EBF1: variants seen among roughly 807,000 people sequenced by gnomAD.
The protein encoded by EBF1 is EBF transcription factor 1.
EBF1 carries 10 observed loss-of-function variants against 68.4 expected under a neutral mutation model. The ratio of observed to expected loss-of-function variants is 0.15; its 90% CI spans 0.09 to 0.25. The LOEUF (loss-of-function observed/expected upper bound fraction) is 0.25. Ranked by LOEUF, EBF1 falls within the 10% of genes least tolerant of loss-of-function variation. EBF1 has a pLI of 1.00. For synonymous variants in EBF1, 298 were observed against 299.8 expected (o/e 0.99, Z 0.06); for missense variants, 509 against 794.4 (o/e 0.64, Z 4.32).
chr5:158,959,242 C>T (rs1430294057), intron 6 of EBF1, among the ~76,000 whole-genome samples: 1 of 151,318 alleles, frequency 6.6e-6, no homozygotes, highest in Non-Finnish European at 1.5e-5. Context: ...TAAAACAAAT[C>T]GAAATAAACT....
chr5:158,774,353 CT>C (rs374851684), intron 10 of EBF1, among the ~76,000 whole-genome samples: 5 of 150,910 alleles, frequency 3.3e-5, no homozygotes, highest in Admixed American at 1.3e-4. Context: ...TGCCTTTTTT[CT>C]TTTTTTTTAA....
At chr5:158,805,704 A>G (rs1781457028) in intron 8 of EBF1, among the ~76,000 whole-genome samples, 1 of 152,006 alleles carries the variant, frequency 6.6e-6, no homozygotes, top group South Asian at 2.1e-4. Flanking sequence ...TCAATTCACT[A>G]TTGTAATAGG....
intron 7 of EBF1, among the ~76,000 whole-genome samples, chr5:158,826,313 A>G (rs1260485570): frequency 6.6e-6 from 1 of 152,216 alleles, no homozygotes. Flanking sequence ...TCCAATACAG[A>G]AGCCAAATGC....
In EBF1 at chr5:158,756,571, C is replaced by T. The variant is rs190678317; in HGVS notation, c.1036+20842G>A. ...TGGTTTTTGAATTCCTTTTTTATTC[C>T]TTCATCAATCCACTTATCTGACAAC... On this transcript the variant is annotated intron_variant, in intron 10 of 15. Coordinates refer to ENST00000313708, the MANE Select transcript of EBF1 (RefSeq NM_024007.5). 1.7e-3 allele frequency among the ~76,000 whole-genome samples: 255 copies of T among 151,642 alleles called. 5 individuals carry two copies. The South Asian group carries it at 0.022, about 13-fold the overall frequency.
At chr5:158,712,819 CAATATTGTACAAT>C in intron 13 of EBF1, 138 bp downstream of exon 13, 1 of 731,394 alleles carries the variant, frequency 1.4e-6, no homozygotes, top group Non-Finnish European at 2.0e-6. Flanking sequence ...TAGCTAGGAC[CAATATTGTACAAT>C]AATATCTTAT....
In EBF1 at chr5:158,859,067, A is replaced by G. The variant is rs984706923; in HGVS notation, c.555-18957T>C. Among the ~76,000 whole-genome samples, 7 of 152,328 alleles carry G rather than the reference A, an allele frequency of 4.6e-5. No homozygotes were observed. In the East Asian group the frequency reaches 1.3e-3, roughly 29 times the overall value. On this transcript the variant is annotated intron_variant, in intron 6 of 15. Coordinates refer to ENST00000313708, the MANE Select transcript of EBF1 (RefSeq NM_024007.5). ...CAACAACATGTTTATCTACCAAAAG[A>G]AAAATCAGCCCCTCTCCATTTTCCA...
intron 5 of EBF1, among the ~76,000 whole-genome samples, chr5:159,076,034 T>G (rs970858933): frequency 3.3e-5 from 3 of 90,654 alleles, no homozygotes; most frequent in East Asian, 4.6e-4. Context: ...GTTTTTCCTG[T>G]TTTTTTTTTT....
chr5:158,970,765 T>A (rs1469770698), intron 6 of EBF1, among the ~76,000 whole-genome samples: 1 of 152,216 alleles, frequency 6.6e-6, no homozygotes, highest in Non-Finnish European at 1.5e-5. Flanking sequence ...TATAAAAATC[T>A]ACTATAAAAG....
chr5:158,850,674 C>T (rs1792460212), intron 6 of EBF1, among the ~76,000 whole-genome samples: 1 of 152,096 alleles, frequency 6.6e-6, no homozygotes, highest in African/African-American at 2.4e-5. Flanking sequence ...TTGTGAATTG[C>T]CTGGGCATCT....
At chr5:159,018,055 A>C in intron 6 of EBF1, among the ~76,000 whole-genome samples, 1 of 145,920 alleles carries the variant, frequency 6.9e-6, no homozygotes, top group Non-Finnish European at 1.5e-5. Context: ...CCCTCCCAAC[A>C]CCTCCCATCG....
At chr5:158,962,852 G>T (rs1190161917) in intron 6 of EBF1, among the ~76,000 whole-genome samples, 2 of 152,118 alleles carry the variant, frequency 1.3e-5, no homozygotes, top group East Asian at 3.8e-4. Context: ...GTTTCATACT[G>T]ACTCAAAAGG....
At chr5:158,801,481 G>C (rs976578681) in intron 8 of EBF1, among the ~76,000 whole-genome samples, 1 of 151,980 alleles carries the variant, frequency 6.6e-6, no homozygotes, top group African/African-American at 2.4e-5. Context: ...CGTGCTGGGG[G>C]AATTGCTGAG....
rs1185769864 is a variant in EBF1 at position 158,708,012 on chromosome 5, T to C, written c.1711A>G (p.Thr571Ala). 3.9e-6 allele frequency: 6 copies of C among 1,550,250 alleles called. No individual in the cohort carries two copies. The Admixed American group carries it at 1.2e-4, about 30-fold the overall frequency. The change falls in exon 15 of 16, where the codon ACC (threonine) becomes GCC (alanine). Residue 571 changes from threonine (T) to alanine (A), a missense_variant. Thr to Ala is a moderately conservative substitution (Grantham distance 58, BLOSUM62 0). This residue lies in a region of EBF1 where 205 missense variants were observed against 247.4 expected (regional missense o/e 0.83). Coordinates refer to ENST00000313708, the MANE Select transcript of EBF1 (RefSeq NM_024007.5). ...VVRPQTSPPP[T>A]CTSTNGNSLQ... ...CTGTTCCCGTTGGTGCTGGTGCAGG[T>C]GGGAGGTGGGGAGGTCTGGGGTCTG...
chr5:158,862,218 G>GA (rs567786942), intron 6 of EBF1, among the ~76,000 whole-genome samples: 205 of 151,020 alleles, frequency 1.4e-3, no homozygotes, highest in Non-Finnish European at 2.5e-3. Flanking sequence ...AGTTTCATCT[G>GA]AAAAAAAAAT....
intron 6 of EBF1, among the ~76,000 whole-genome samples, chr5:158,840,465 G>A (rs891904): frequency 0.38 from 57,673 of 151,938 alleles, 11,143 homozygotes; most frequent in South Asian, 0.58. Context: ...ACAACATGCA[G>A]TTTAAGCCCT....
intron 14 of EBF1, among the ~76,000 whole-genome samples, chr5:158,711,394 T>C (rs1047236016): frequency 6.6e-6 from 1 of 152,230 alleles, no homozygotes; most frequent in Non-Finnish European, 1.5e-5. Flanking sequence ...ATCACTATGA[T>C]TATTAGATTT....
At chr5:159,048,249 G>T (rs896665510) in intron 6 of EBF1, among the ~76,000 whole-genome samples, 1 of 152,080 alleles carries the variant, frequency 6.6e-6, no homozygotes, top group Non-Finnish European at 1.5e-5. Flanking sequence ...ACTCAATAAA[G>T]AAAAAAGGAT....
At chr5:158,937,704 G>A (rs889682263) in intron 6 of EBF1, among the ~76,000 whole-genome samples, 1 of 152,238 alleles carries the variant, frequency 6.6e-6, no homozygotes, top group African/African-American at 2.4e-5. Context: ...ATCGCTTGAG[G>A]TGCATAAAGC....
intron 10 of EBF1, among the ~76,000 whole-genome samples, chr5:158,761,214 T>G (rs1484023639): frequency 6.6e-6 from 1 of 152,216 alleles, no homozygotes; most frequent in Non-Finnish European, 1.5e-5. Context: ...AGGAGATAAC[T>G]CTATGCACCT....
Sources: allele counts gnomAD v4.1 joint callset (sites outside exome capture counted in the v4.1 genomes callset), GRCh38; gene constraint gnomAD v4.1.1; regional missense constraint gnomAD v4.1.1; transcripts MANE v1.5; gene names NCBI Gene and HGNC (gene_info 2026-07-23, HGNC 2026-07-21).